Variants in THSD7B observed in about 807,000 individuals in gnomAD.
The protein encoded by THSD7B is thrombospondin type 1 domain containing 7B.
THSD7B carries 138 observed loss-of-function variants against 213.6 expected under a neutral mutation model. The ratio of observed to expected loss-of-function variants is 0.65; its 90% CI spans 0.56 to 0.74. The LOEUF is 0.74. Among genes scored for constraint, THSD7B ranks in the 30% least tolerant of loss-of-function variants. The pLI is 0.00. For missense variants in THSD7B, 1,931 were observed against 1,991.5 expected (o/e 0.97, Z 0.58); for synonymous variants, 742 against 687.0 (o/e 1.08, Z -1.25).
In THSD7B at chr2:136,953,396, TCTC is replaced by T. The variant is rs151164437; in HGVS notation, c.139+71083_139+71085del. Among the ~76,000 whole-genome samples, 973 of 152,266 alleles carry T rather than the reference TCTC, an allele frequency of 6.4e-3. 12 individuals are homozygous for T. Among genetic ancestry groups the T allele is most frequent in the African/African-American group, 0.022 (900 of 41,556 alleles). On this transcript the variant is annotated intron_variant, in intron 2 of 27. Transcript: ENST00000409968. ...AACAACTATTTTCAGCCTGGGGACT[TCTC>T]CTCATATGAGGCTGTAATATTTACT...
At chr2:137,541,159 G>A (rs958198302) in intron 15 of THSD7B, among the ~76,000 whole-genome samples, 2 of 151,588 alleles carry the variant, frequency 1.3e-5, no homozygotes, top group Non-Finnish European at 3.0e-5. Context: ...ACATATCATA[G>A]AGTTATTTCA....
At chr2:137,341,560 A>G (rs976843155) in intron 12 of THSD7B, among the ~76,000 whole-genome samples, 3 of 151,374 alleles carry the variant, frequency 2.0e-5, no homozygotes, top group African/African-American at 7.3e-5. Flanking sequence ...TGTTATTTTT[A>G]TTTTTCCCCT....
chr2:137,042,522 T>C lies in THSD7B; in HGVS notation c.140-13898T>C, dbSNP rs116322110. On this transcript the variant is annotated intron_variant, in intron 2 of 27. Transcript: ENST00000409968. Reference sequence around the variant, plus strand: ...AAAGCCTGGAGGAGTCCTTTAAAAATGAAAACTTTTAGTTTTGTTTAACCC... The same window carrying C: ...AAAGCCTGGAGGAGTCCTTTAAAAACGAAAACTTTTAGTTTTGTTTAACCC... Among the ~76,000 whole-genome samples the C allele has an allele frequency of 3.9e-3, 601 of 152,300 alleles. 2 individuals carry two copies. Among genetic ancestry groups the C allele is most frequent in the African/African-American group, 0.014 (572 of 41,564 alleles).
intron 15 of THSD7B, among the ~76,000 whole-genome samples, chr2:137,475,888 C>T (rs182204569): frequency 6.6e-6 from 1 of 152,172 alleles, no homozygotes; most frequent in African/African-American, 2.4e-5. Context: ...TTTGAGAAAT[C>T]TCCATATCGT....
chr2:137,271,827 TTGC>T (rs1682745471), intron 10 of THSD7B, among the ~76,000 whole-genome samples: 1 of 152,092 alleles, frequency 6.6e-6, no homozygotes, highest in African/African-American at 2.4e-5. Context: ...TTGATTTTTG[TTGC>T]TGATGTTGAT....
intron 17 of THSD7B, among the ~76,000 whole-genome samples, chr2:137,596,688 A>T: frequency 3.4e-5 from 5 of 147,442 alleles, no homozygotes; most frequent in East Asian, 2.0e-4. Flanking sequence ...CCTCTCTTTC[A>T]CCCTCTTTTT....
chr2:137,471,289 G>T (rs1688090723), intron 15 of THSD7B, among the ~76,000 whole-genome samples: 1 of 151,940 alleles, frequency 6.6e-6, no homozygotes, highest in Non-Finnish European at 1.5e-5. Context: ...ATTTGGAGAG[G>T]GAATTCAAAT....
intron 3 of THSD7B, among the ~76,000 whole-genome samples, chr2:137,066,956 C>A (rs1687394702): frequency 6.6e-6 from 1 of 152,078 alleles, no homozygotes; most frequent in South Asian, 2.1e-4. Flanking sequence ...ATTTCCTAAA[C>A]TCCGTCCAGT....
intron 19 of THSD7B, among the ~76,000 whole-genome samples, chr2:137,619,119 G>T (rs1682465640): frequency 1.3e-5 from 2 of 152,066 alleles, no homozygotes; most frequent in South Asian, 4.1e-4. Context: ...CAAAGAAGTT[G>T]GCATTTTCTT....
intron 1 of THSD7B, among the ~76,000 whole-genome samples, chr2:136,807,607 C>T (rs112326845): frequency 0.052 from 7,763 of 150,590 alleles, 301 homozygotes; most frequent in East Asian, 0.081. Flanking sequence ...CCCGGGTTCA[C>T]GCCATTCTCC....
chr2:136,799,935 T>C (rs1682145620), intron 1 of THSD7B, among the ~76,000 whole-genome samples: 1 of 151,936 alleles, frequency 6.6e-6, no homozygotes, highest in South Asian at 2.1e-4. Context: ...ATTGTGCCCA[T>C]GAAATAACTA....
rs138294390 is a variant in THSD7B, at chr2:137,392,494, G to A, written c.2501-13119G>A. Among the ~76,000 whole-genome samples the A allele has an allele frequency of 4.7e-3, 712 of 152,052 alleles. 6 individuals are homozygous for A. The highest frequency in any genetic ancestry group is 0.016 in the African/African-American group (682 of 41,498). The stretch of plus-strand genomic sequence containing the variant: ...TTACTGAACTGATCCTTTTATCATT[G>A]TATAGTGATCATTTTTGTCTTTTCA... On this transcript the variant is annotated intron_variant, in intron 12 of 27. Transcript: ENST00000409968.
At chr2:137,470,910 C>CTTTTTTTTTT (rs70978226) in intron 15 of THSD7B, among the ~76,000 whole-genome samples, 5 of 119,822 alleles carry the variant, frequency 4.2e-5, no homozygotes, top group Non-Finnish European at 6.9e-5. Context: ...TTTTTCTTTA[C>CTTTTTTTTTT]TTTTTTTTTT....
At chr2:137,508,730 C>T (rs149557238) in intron 15 of THSD7B, among the ~76,000 whole-genome samples, 2 of 151,962 alleles carry the variant, frequency 1.3e-5, no homozygotes, top group African/African-American at 4.8e-5. Flanking sequence ...AATTGAGTCT[C>T]AGTACTCAAT....
chr2:137,169,858 A>G (rs1172825037), intron 6 of THSD7B, among the ~76,000 whole-genome samples: 1 of 152,168 alleles, frequency 6.6e-6, no homozygotes, highest in South Asian at 2.1e-4. Context: ...AGTTTTTATC[A>G]TTTAAAAATA....
intron 12 of THSD7B, among the ~76,000 whole-genome samples, chr2:137,281,073 G>T (rs1029427323): frequency 1.3e-5 from 2 of 152,040 alleles, no homozygotes; most frequent in Non-Finnish European, 2.9e-5. Flanking sequence ...ACTTGTCTAC[G>T]ATATCGTTGA....
intron 2 of THSD7B, among the ~76,000 whole-genome samples, chr2:136,892,787 G>T (rs1167835364): frequency 2.6e-5 from 4 of 152,084 alleles, no homozygotes; most frequent in African/African-American, 9.7e-5. Context: ...CCTTCTTAGA[G>T]TGTCTAGGTC....
chr2:137,441,850 TC>T (rs1359350991), intron 14 of THSD7B, among the ~76,000 whole-genome samples: 6 of 152,120 alleles, frequency 3.9e-5, no homozygotes, highest in African/African-American at 1.4e-4. Flanking sequence ...CTATAATTTT[TC>T]TGCTAAAGTA....
chr2:136,951,018 C>A (rs1685029452), intron 2 of THSD7B, among the ~76,000 whole-genome samples: 1 of 151,936 alleles, frequency 6.6e-6, no homozygotes, highest in African/African-American at 2.4e-5. Context: ...TAAACAACTG[C>A]CTGTTTAGGT....
Sources: allele counts gnomAD v4.1 joint callset (sites outside exome capture counted in the v4.1 genomes callset), GRCh38; gene constraint gnomAD v4.1.1; transcripts MANE v1.5; gene names NCBI Gene and HGNC (gene_info 2026-07-23, HGNC 2026-07-21).